SLC2A5: variants seen among roughly 807,000 people sequenced by gnomAD.
SLC2A5 encodes solute carrier family 2 member 5, also known as solute carrier family 2, facilitated glucose transporter member 5.
Under a neutral mutation model 50.3 loss-of-function variants are expected in SLC2A5, and 56 were observed. The ratio of observed to expected loss-of-function variants is 1.11; its 90% confidence interval spans 0.90 to 1.39. The LOEUF (loss-of-function observed/expected upper bound fraction) is 1.39. Among genes scored for constraint, SLC2A5 ranks in the 40% most tolerant of loss-of-function variants. SLC2A5 has a pLI of 0.00. For synonymous variants in SLC2A5, 269 were observed against 281.9 expected (o/e 0.95, Z 0.46); for missense variants, 566 against 650.1 (o/e 0.87, Z 1.41).
At chr1:9,093,231 G>A (rs2124495673), upstream of SLC2A5, among the ~76,000 whole-genome samples, 1 of 152,178 alleles carries the variant, frequency 6.6e-6, no homozygotes, top group African/African-American at 2.4e-5. Context: ...CTAAATGGAA[G>A]GGACCTTACC....
intron 4 of SLC2A5, among the ~76,000 whole-genome samples, chr1:9,042,971 A>G (rs1641344360): frequency 6.6e-6 from 1 of 152,156 alleles, no homozygotes; most frequent in Non-Finnish European, 1.5e-5. Context: ...GTGGAGGGAA[A>G]ACTTACTCTA....
In SLC2A5 at chr1:9,040,167, C is replaced by A. The variant is rs770540494; in HGVS notation, c.594G>T (p.Leu198=). Residue 198 remains leucine, a synonymous_variant, in exon 6 of 12, where the codon CTG becomes CTT. Transcript: ENST00000377424. This position sits in a 1 kb window ranked among gnomAD's most constrained non-coding sequence, Gnocchi z 4.3. ...NVDGWPILLG[L]TGVPAALQLL... ...GCTGCAGCGCCGCGGGGACCCCGGT[C>A]AGCCCCAGCAGGATCGGCCAGCCTG... is the stretch of plus-strand genomic sequence containing the variant. 4.5e-6 allele frequency: 7 copies of A among 1,554,010 alleles called. No individual in the cohort carries two copies. In the African/African-American group the frequency reaches 8.2e-5, roughly 18 times the overall value.
chr1:9,069,941 C>T (rs1490574908), upstream of SLC2A5: 1 of 166,680 alleles, frequency 6.0e-6, no homozygotes. Context: ...CTGAGGGCAA[C>T]AGATTGGGCC....
intron 5 of SLC2A5, 170 bp downstream of exon 5, chr1:9,041,615 G>T: frequency 6.8e-7 from 1 of 1,467,228 alleles, no homozygotes; most frequent in Non-Finnish European, 9.0e-7. Flanking sequence ...CTTTGTCCAT[G>T]GCCTGCTATG....
chr1:9,082,712 C>G, intron 2 of SLC2A5: 1 of 292,962 alleles, frequency 3.4e-6, no homozygotes, highest in South Asian at 3.2e-5. Context: ...TGGGGAAAGG[C>G]TCCTATGTTT....
chr1:9,070,149 C>G (rs1039894997), upstream of SLC2A5, among the ~76,000 whole-genome samples: 12 of 129,992 alleles, frequency 9.2e-5, no homozygotes, highest in Admixed American at 2.7e-4. Flanking sequence ...GGCATGATCT[C>G]AGCTCACTAC....
intron 4 of SLC2A5, among the ~76,000 whole-genome samples, chr1:9,046,506 C>A (rs959614122): frequency 3.3e-5 from 5 of 152,286 alleles, no homozygotes; most frequent in African/African-American, 1.2e-4. Flanking sequence ...ACTCAGTACG[C>A]CCTTGGCAAA....
intron 1 of SLC2A5, among the ~76,000 whole-genome samples, chr1:9,065,938 T>C (rs1427964390): frequency 6.8e-6 from 1 of 147,630 alleles, no homozygotes; most frequent in African/African-American, 2.4e-5. Flanking sequence ...AGCCAGACCC[T>C]GCCTCAAAAA....
intron 5 of SLC2A5, 145 bp downstream of exon 5, chr1:9,041,640 G>A (rs2124320497): frequency 6.6e-7 from 1 of 1,520,198 alleles, no homozygotes; most frequent in Non-Finnish European, 8.8e-7. Context: ...CTCGGGACAG[G>A]ATGGGCCCCC....
intron 1 of SLC2A5, among the ~76,000 whole-genome samples, chr1:9,063,143 TC>T (rs1325578529): frequency 6.6e-6 from 1 of 152,210 alleles, no homozygotes; most frequent in African/African-American, 2.4e-5. Flanking sequence ...TTTTTCAGAT[TC>T]CACATGTGAG....
At chr1:9,060,106 T>C (rs113424920) in intron 1 of SLC2A5, among the ~76,000 whole-genome samples, 6,514 of 100,594 alleles carry the variant, frequency 0.065, 147 homozygotes, top group Middle Eastern at 0.25. Flanking sequence ...ACACACACAA[T>C]ACACACACAC....
intron 1 of SLC2A5, among the ~76,000 whole-genome samples, chr1:9,063,251 T>C (rs143730506): frequency 0.013 from 2,003 of 152,290 alleles, 30 homozygotes; most frequent in South Asian, 0.061. Flanking sequence ...TGTGTGTGTG[T>C]AGAGACAGAG....
At chr1:9,047,537 T>A in intron 4 of SLC2A5, 73 bp downstream of exon 4, 2 of 1,519,846 alleles carry the variant, frequency 1.3e-6, no homozygotes, top group Non-Finnish European at 1.8e-6. Context: ...AGATTGGTTC[T>A]AGTCCCTGGG....
chr1:9,051,421 G>T (rs1641574275), intron 3 of SLC2A5, among the ~76,000 whole-genome samples: 1 of 152,246 alleles, frequency 6.6e-6, no homozygotes, highest in South Asian at 2.1e-4. Context: ...AAGCACTGTT[G>T]TCCAAAATGT....
Position 9,039,951 on chromosome 1 carries a change from C to G in SLC2A5, c.734G>C (p.Arg245Thr). The change falls in exon 7 of 12, where the codon AGG (arginine) becomes ACG (threonine). Residue 245 changes from arginine to threonine, a missense_variant. Coordinates refer to ENST00000377424, the MANE Select transcript of SLC2A5 (RefSeq NM_003039.3). ...CTCCTGCCGGATCTCGGCCACCTCCCTGTCCACAGAGTCCCAGCCGCGCAG... is the reference window on the plus strand; with the variant it reads ...CTCCTGCCGGATCTCGGCCACCTCCGTGTCCACAGAGTCCCAGCCGCGCAG... ...QTLRGWDSVDREVAEIRQEDE... is the reference protein window; with the variant it reads ...QTLRGWDSVDTEVAEIRQEDE... 1.9e-6 allele frequency: 3 copies of G among 1,612,878 alleles called. No individual in the cohort carries two copies. Among genetic ancestry groups the G allele is most frequent in the Non-Finnish European group, 1.7e-6 (2 of 1,179,674 alleles).
chr1:9,069,388 C>A, intron 1 of SLC2A5, 116 bp downstream of exon 1: 1 of 1,081,874 alleles, frequency 9.2e-7, no homozygotes, highest in South Asian at 1.3e-5. Flanking sequence ...ATAATCCCTC[C>A]CAACACAGAG....
In SLC2A5 at chr1:9,038,877, G is replaced by C. The variant is rs1641214305; in HGVS notation, c.1049C>G (p.Ser350Cys). 4 of 1,612,808 alleles carry C rather than the reference G, an allele frequency of 2.5e-6. No homozygotes were observed. Among genetic ancestry groups the C allele is most frequent in the Non-Finnish European group, 3.4e-6 (4 of 1,179,900 alleles). ...CACGCAGCAGGCTATGAGGCAGATG[G>C]AGAAGCCCAGCAGCAGCAGCAGCCT... ...GRRLLLLLGF[S>C]ICLIACCVLT... The change falls in exon 9 of 12, where the codon TCC becomes TGC. Residue 350 changes from serine (S) to cysteine (C), a missense_variant. Coordinates refer to ENST00000377424, the MANE Select transcript of SLC2A5 (RefSeq NM_003039.3).
chr1:9,089,043 T>A (rs2124491021), upstream of SLC2A5, among the ~76,000 whole-genome samples: 1 of 152,276 alleles, frequency 6.6e-6, no homozygotes, highest in Non-Finnish European at 1.5e-5. Flanking sequence ...ACCTCCACCC[T>A]CACTCCTGAC....
Position 9,087,416 on chromosome 1 carries a change from G to A in SLC2A5, c.-188+956C>T, listed in dbSNP as rs955093407. ...AGATGGGGTTTCACCGTGTTAGCCA[G>A]GATGGTCTCAATCTCCTGACCTTGT... On this transcript the variant is annotated intron_variant, in intron 1 of 5. Transcript: ENST00000464985. Among the ~76,000 whole-genome samples the A allele has an allele frequency of 7.2e-5, 11 of 152,172 alleles. No individual in the cohort carries two copies. The South Asian group carries it at 1.2e-3, about 17-fold the overall frequency.
Sources: allele counts gnomAD v4.1 joint callset (sites outside exome capture counted in the v4.1 genomes callset), GRCh38; gene constraint gnomAD v4.1.1; non-coding constraint Gnocchi (gnomAD v3.1); transcripts MANE v1.5; gene names NCBI Gene and HGNC (gene_info 2026-07-23, HGNC 2026-07-21).